The following PIK3R5 variants were observed in gnomAD, a reference collection of about 807,000 sequenced individuals.
PIK3R5 encodes phosphoinositide-3-kinase regulatory subunit 5.
PIK3R5 carries 32 observed loss-of-function variants against 94.9 expected under a neutral mutation model. That is an observed-to-expected ratio of 0.34 (90% CI 0.25 to 0.45). PIK3R5 has a LOEUF of 0.45. PIK3R5 is among the 20% of genes least tolerant of loss of function. The pLI, the probability that PIK3R5 is intolerant of heterozygous loss-of-function variation, is 1.00. For missense variants in PIK3R5, 853 were observed against 1,144.6 expected (o/e 0.75, Z 3.68); for synonymous variants, 443 against 479.4 (o/e 0.92, Z 0.99).
chr17:8,946,755 C>A (rs2091279499), intron 1 of PIK3R5, among the ~76,000 whole-genome samples: 1 of 152,116 alleles, frequency 6.6e-6, no homozygotes, highest in African/African-American at 2.4e-5. Flanking sequence ...TCTCCTGCCT[C>A]AGGACCTTCG....
rs200317598 is a variant in PIK3R5 at position 8,886,479 on chromosome 17, C to T, written c.2032G>A (p.Glu678Lys). Residue 678 changes from glutamate (E) to lysine (K), a missense_variant and splice_region_variant, in exon 13 of 19, where the codon GAG becomes AAG. Around this residue, in one of 6 missense-constraint regions of PIK3R5, gnomAD observed 173 missense variants for 274.1 expected, o/e 0.63. Coordinates refer to ENST00000447110, the MANE Select transcript of PIK3R5 (RefSeq NM_001142633.3). ...RPVLLQVYQTELTFITGEKTT... is the reference protein window; with the variant it reads ...RPVLLQVYQTKLTFITGEKTT... ...GGTTCGGGGCAGGGAGGCCTTACCT[C>T]GGTCTGATAGACTTGCAGCAGCACC... The T allele has an allele frequency of 9.4e-6, 15 of 1,602,746 alleles. No individual in the cohort carries two copies. In the Admixed American group the frequency reaches 2.2e-4, roughly 23 times the overall value.
At chr17:8,907,087 A>G (rs866003366) in intron 3 of PIK3R5, among the ~76,000 whole-genome samples, 3 of 151,934 alleles carry the variant, frequency 2.0e-5, no homozygotes, top group African/African-American at 7.3e-5. Context: ...GCAGTGGTGC[A>G]ATATCGGCTC....
intron 1 of PIK3R5, among the ~76,000 whole-genome samples, chr17:8,929,779 G>C (rs1248519597): frequency 2.0e-5 from 3 of 151,982 alleles, no homozygotes; most frequent in Non-Finnish European, 4.4e-5. Context: ...AAGAAATACA[G>C]AGTTGTATAA....
Position 8,904,990 on chromosome 17 carries a change from C to A in PIK3R5, c.274-75G>T. On this transcript the variant is annotated intron_variant, in intron 4 of 18. Coordinates refer to ENST00000447110, the MANE Select transcript of PIK3R5 (RefSeq NM_001142633.3). This position sits in a 1 kb window ranked among gnomAD's most constrained non-coding sequence, Gnocchi z 5.1. The stretch of plus-strand genomic sequence containing the variant: ...CAGATAGTCCCAGACAGCTTCTGCT[C>A]CCTTTCTGGAATATTCCACAAAAGA... 1 of 1,464,194 alleles carries A rather than the reference C, an allele frequency of 6.8e-7. No individual in the cohort carries two copies. The highest frequency in any genetic ancestry group is 1.2e-5 in the South Asian group (1 of 85,912). 90.7% of individuals were successfully genotyped at this position (1,464,194 alleles called of 1,614,324 possible). A position where few individuals can be genotyped will look rare whatever the true frequency, so the allele number is the denominator to read the frequency against.
chr17:8,961,852 C>T lies in PIK3R5; in HGVS notation c.-14+3744G>A, dbSNP rs868185182. On this transcript the variant is annotated intron_variant, in intron 1 of 18. Coordinates refer to ENST00000447110, the MANE Select transcript of PIK3R5 (RefSeq NM_001142633.3). Reference sequence around the variant, plus strand: ...GTGCCATGAAAGTCATCCATTTCTTCCCATTCATCAGCCCCCAACCCCCTT... The same window carrying T: ...GTGCCATGAAAGTCATCCATTTCTTTCCATTCATCAGCCCCCAACCCCCTT... Among the ~76,000 whole-genome samples the T allele has an allele frequency of 8.5e-5, 13 of 152,268 alleles. 1 individual carries two copies. The highest frequency in any genetic ancestry group is 3.1e-4 in the African/African-American group (13 of 41,544).
chr17:8,880,870 A>C, intron 18 of PIK3R5, 35 bp downstream of exon 18: 1 of 1,609,192 alleles, frequency 6.2e-7, no homozygotes, highest in Non-Finnish European at 8.5e-7. Context: ...GTGGGAGCAG[A>C]AACTGCTCCC....
chr17:8,908,729 C>T (rs139687407), intron 3 of PIK3R5, among the ~76,000 whole-genome samples: 313 of 152,212 alleles, frequency 2.1e-3, no homozygotes, highest in Middle Eastern at 6.8e-3. Context: ...TTTACCTTTC[C>T]GATCAGTTTT....
At chr17:8,891,127 AT>A (rs1382692780) in intron 6 of PIK3R5, among the ~76,000 whole-genome samples, 2 of 152,198 alleles carry the variant, frequency 1.3e-5, no homozygotes, top group African/African-American at 4.8e-5. Flanking sequence ...ACTGCTGAGC[AT>A]TTTTCAGCTG....
intron 2 of PIK3R5, among the ~76,000 whole-genome samples, chr17:8,910,974 C>T (rs926414990): frequency 6.6e-6 from 1 of 152,178 alleles, no homozygotes; most frequent in African/African-American, 2.4e-5. Flanking sequence ...CTCTGCAGCT[C>T]TGCTGAGTTT....
intron 3 of PIK3R5, 88 bp from the exon 4 acceptor site, chr17:8,905,825 G>T: frequency 7.6e-6 from 5 of 653,642 alleles, no homozygotes; most frequent in Non-Finnish European, 9.5e-6. Flanking sequence ...CCTCATTCTA[G>T]CCTTTCTTTT....
At position 8,886,170 on chromosome 17, in the gene PIK3R5, T is replaced by G. The variant is rs1159843805; in HGVS notation, c.2128+59A>C. The G allele has an allele frequency of 8.3e-6, 11 of 1,318,272 alleles. No homozygotes were observed. The East Asian group carries it at 1.2e-4, about 14-fold the overall frequency. 81.7% of individuals were successfully genotyped at this position (1,318,272 alleles called of 1,614,324 possible). A position where few individuals can be genotyped will look rare whatever the true frequency, so the allele number is the denominator to read the frequency against. On this transcript the variant is annotated intron_variant, in intron 14 of 18. Transcript: ENST00000447110. ...CCAGGTAACCCCACCTCCACAGAGCTCCACGTTTCGCGTCCCAGGCCCCGC... is the reference window on the plus strand; with the variant it reads ...CCAGGTAACCCCACCTCCACAGAGCGCCACGTTTCGCGTCCCAGGCCCCGC...
rs529530887 is a variant in PIK3R5 at position 8,881,691 on chromosome 17, G to A, written c.2321C>T (p.Thr774Met). 95 of 1,613,914 alleles carry A rather than the reference G, an allele frequency of 5.9e-5. No individual in the cohort carries two copies. In the East Asian group the frequency reaches 1.9e-3, roughly 33 times the overall value. ...EELDSSMEAL[T>M]LNLTEVVKRQ... ...TTTCACCACTTCTGTCAGGTTTAGC[G>A]TCAGGGCCTCCATGCTGGAATCTGA... Residue 774 changes from threonine (T) to methionine (M), a missense_variant, in exon 17 of 19, where the codon ACG becomes ATG. Around this residue, in one of 6 missense-constraint regions of PIK3R5, gnomAD observed 173 missense variants for 274.1 expected, o/e 0.63. Coordinates refer to ENST00000447110, the MANE Select transcript of PIK3R5 (RefSeq NM_001142633.3). This position sits in a 1 kb window ranked among gnomAD's most constrained non-coding sequence, Gnocchi z 4.8.
At chr17:8,894,371 C>T (rs961959655) in intron 5 of PIK3R5, among the ~76,000 whole-genome samples, 1 of 152,202 alleles carries the variant, frequency 6.6e-6, no homozygotes, top group Non-Finnish European at 1.5e-5. Context: ...AGCCCATCCA[C>T]TTTGCCTTAG....
chr17:8,899,489 A>G (rs1274760470), intron 5 of PIK3R5, among the ~76,000 whole-genome samples: 2 of 152,250 alleles, frequency 1.3e-5, no homozygotes, highest in Non-Finnish European at 2.9e-5. Flanking sequence ...CTGCATTGAC[A>G]GGGAGGCATT....
intron 1 of PIK3R5, among the ~76,000 whole-genome samples, chr17:8,950,967 T>C (rs2151472006): frequency 6.6e-6 from 1 of 152,304 alleles, no homozygotes; most frequent in African/African-American, 2.4e-5. Flanking sequence ...ATCTGTTGTT[T>C]TTTGGCTTTT....
Position 8,888,240 on chromosome 17 carries a change from G to T in PIK3R5, c.1547C>A (p.Thr516Lys). ...LSGDEDPKAS[T>K]LRVVVFGSDR... Reference sequence around the variant, plus strand: ...GGAGCCAAAGACCACAACACGTAGCGTGGAAGCCTTGGGATCCTCATCTCC... The same window carrying T: ...GGAGCCAAAGACCACAACACGTAGCTTGGAAGCCTTGGGATCCTCATCTCC... The change falls in exon 10 of 19, where the codon ACG (threonine) becomes AAG (lysine). Residue 516 changes from threonine (T) to lysine (K), a missense_variant. Coordinates refer to ENST00000447110, the MANE Select transcript of PIK3R5 (RefSeq NM_001142633.3). The surrounding 1 kb of genome is among the most constrained non-coding windows in gnomAD (Gnocchi z 7.8). 8 of 1,613,488 alleles carry T rather than the reference G, an allele frequency of 5.0e-6. No individual in the cohort carries two copies. The highest frequency in any genetic ancestry group is 6.8e-6 in the Non-Finnish European group (8 of 1,179,958).
At position 8,911,281 on chromosome 17, in the gene PIK3R5, A is replaced by G; in HGVS notation, c.103+111T>C. The G allele has an allele frequency of 6.2e-6, 5 of 803,864 alleles. No homozygotes were observed. Among genetic ancestry groups the G allele is most frequent in the Non-Finnish European group, 1.0e-5 (5 of 486,158 alleles). 49.8% of individuals were successfully genotyped at this position (803,864 alleles called of 1,614,324 possible). On this transcript the variant is annotated intron_variant, in intron 2 of 18. Transcript: ENST00000447110. This position sits in a 1 kb window ranked among gnomAD's most constrained non-coding sequence, Gnocchi z 5.3. ...AGGCTGAGGCTTGCCCAAGTCACAC[A>G]GACAGGGTTTCACCTAGAATTTGCC...
intron 1 of PIK3R5, among the ~76,000 whole-genome samples, chr17:8,932,313 A>G (rs1478949798): frequency 6.6e-6 from 1 of 152,008 alleles, no homozygotes; most frequent in Non-Finnish European, 1.5e-5. Flanking sequence ...GGCTCACTGC[A>G]ACCTCTGCCT....
At chr17:8,906,413 G>A (rs561534919) in intron 3 of PIK3R5, among the ~76,000 whole-genome samples, 5 of 152,040 alleles carry the variant, frequency 3.3e-5, no homozygotes, top group Middle Eastern at 3.4e-3. Context: ...CCTGTTATTT[G>A]TGTTATAAAT....
Sources: gnomAD v4.1 joint callset for allele counts (sites outside exome capture counted in the v4.1 genomes callset) on GRCh38, gnomAD v4.1.1 for gene constraint, gnomAD v4.1.1 regional missense constraint, Gnocchi (gnomAD v3.1) non-coding constraint, MANE v1.5 for transcripts, NCBI Gene and HGNC (gene_info 2026-07-23, HGNC 2026-07-21) for gene names.